The following CDH23 variants were observed in gnomAD, a reference collection of about 807,000 sequenced individuals.
CDH23 encodes cadherin-23.
A neutral mutation model predicts 317.1 loss-of-function variants in CDH23; 189 were observed. The observed-to-expected ratio is 0.60, with a 90% CI of 0.53 to 0.67. The LOEUF (loss-of-function observed/expected upper bound fraction) is 0.67, where lower values mean the gene tolerates loss of function less well. Ranked by LOEUF, CDH23 falls within the 30% of genes least tolerant of loss-of-function variation. The pLI, the probability that CDH23 is intolerant of heterozygous loss-of-function variation, is 0.00. For synonymous variants in CDH23, 1,839 were observed against 1,876.8 expected (o/e 0.98, Z 0.52); for missense variants, 4,401 against 4,592.4 (o/e 0.96, Z 1.20).
At chr10:71,782,722 C>T (rs964391964) in intron 41 of CDH23, among the ~76,000 whole-genome samples, 8 of 152,206 alleles carry the variant, frequency 5.3e-5, no homozygotes, top group African/African-American at 1.7e-4. Context: ...TGCATATGGC[C>T]GGGGCTTGAG....
rs1862863781 is a variant in CDH23 at position 71,646,452 on chromosome 10, C to T, written c.1291-7C>T. ...AGCTTACCTGGGCCCCTGTTCTGCACCCCCAGCTCTTTGCCAATGAGAGTG... is the reference window on the plus strand; with the variant it reads ...AGCTTACCTGGGCCCCTGTTCTGCATCCCCAGCTCTTTGCCAATGAGAGTG... On this transcript the variant is annotated splice_region_variant and splice_polypyrimidine_tract_variant and intron_variant, in intron 13 of 69. Transcript: ENST00000224721. 1 of 1,613,150 alleles carries T rather than the reference C, an allele frequency of 6.2e-7. No individual in the cohort carries two copies. Among genetic ancestry groups the T allele is most frequent in the Non-Finnish European group, 8.5e-7 (1 of 1,179,596 alleles).
chr10:71,634,862 C>G (rs1182600276), intron 11 of CDH23, among the ~76,000 whole-genome samples: 1 of 152,264 alleles, frequency 6.6e-6, no homozygotes, highest in Non-Finnish European at 1.5e-5. Context: ...TTGGCCATAC[C>G]CATGGGCGTG....
chr10:71,503,056 A>G (rs540586654), intron 3 of CDH23, among the ~76,000 whole-genome samples: 2 of 152,242 alleles, frequency 1.3e-5, no homozygotes, highest in Non-Finnish European at 2.9e-5. Context: ...AGCGATCAGC[A>G]TGGGCCCAGT....
chr10:71,797,302 G>A, intron 49 of CDH23, 82 bp downstream of exon 49: 3 of 947,476 alleles, frequency 3.2e-6, no homozygotes. Flanking sequence ...GCACTGGTCT[G>A]TCCCCAGGGA....
intron 3 of CDH23, among the ~76,000 whole-genome samples, chr10:71,502,699 T>C (rs1175799408): frequency 1.3e-5 from 2 of 152,234 alleles, no homozygotes; most frequent in East Asian, 3.9e-4. Context: ...GCACTAGACA[T>C]CATGGTAAGG....
intron 43 of CDH23, 141 bp downstream of exon 43, chr10:71,785,241 A>G (rs977230976): frequency 6.0e-6 from 4 of 670,018 alleles, no homozygotes; most frequent in African/African-American, 3.6e-5. Context: ...CCTCTGTGGG[A>G]AGCATGGAAT....
Position 71,815,167 on chromosome 10 carries a change from C to T in CDH23, c.9954C>T (p.Ala3318=), listed in dbSNP as rs763915451. The change falls in exon 70 of 70, where the codon GCC becomes GCT. Residue 3318 remains alanine, a synonymous_variant. Transcript: ENST00000224721. ...LGRSLETLTA[A]EATAFERNAR... ...GCTCGCTGGAGACGCTGACCGCTGC[C>T]GAGGCCACTGCCTTCGAGCGCAACG... 94 of 1,611,352 alleles carry T rather than the reference C, an allele frequency of 5.8e-5. No homozygotes were observed. Among genetic ancestry groups the T allele is most frequent in the South Asian group, 1.8e-4 (16 of 90,882 alleles).
intron 6 of CDH23, among the ~76,000 whole-genome samples, chr10:71,527,635 T>C (rs1047302191): frequency 2.6e-5 from 4 of 152,082 alleles, no homozygotes; most frequent in Admixed American, 2.6e-4. Context: ...GGTTTAGAGG[T>C]GTTCCATCTT....
Position 71,486,941 on chromosome 10 carries a change from C to A in CDH23, c.146-23141C>A, listed in dbSNP as rs1264568215. On this transcript the variant is annotated intron_variant, in intron 3 of 69. Coordinates refer to ENST00000224721, the MANE Select transcript of CDH23 (RefSeq NM_022124.6). The stretch of plus-strand genomic sequence containing the variant: ...ATCCCTGCTGAGCAAGAGAGCCAGG[C>A]CTTGGTACCTTCCCACCAATCACTC... Among the ~76,000 whole-genome samples the A allele has an allele frequency of 2.0e-5, 3 of 152,168 alleles. No individual in the cohort carries two copies. The East Asian group carries it at 5.8e-4, about 29-fold the overall frequency.
At chr10:71,503,456 G>A (rs559036765) in intron 3 of CDH23, among the ~76,000 whole-genome samples, 1 of 152,328 alleles carries the variant, frequency 6.6e-6, no homozygotes, top group South Asian at 2.1e-4. Context: ...TCATGACTTT[G>A]GGGGGCTGTC....
intron 9 of CDH23, among the ~76,000 whole-genome samples, chr10:71,598,959 G>A (rs1222919653): frequency 6.6e-6 from 1 of 152,204 alleles, no homozygotes; most frequent in African/African-American, 2.4e-5. Context: ...CAGCTGGGAG[G>A]ATGAGGGCAT....
chr10:71,739,589 C>A, intron 35 of CDH23, 55 bp from the exon 36 acceptor site: 1 of 1,587,192 alleles, frequency 6.3e-7, no homozygotes, highest in Non-Finnish European at 8.6e-7. Context: ...CTTGGCTTGA[C>A]CTGGCCACCT....
chr10:71,801,382 G>A (rs902594654), intron 53 of CDH23, among the ~76,000 whole-genome samples: 6 of 151,842 alleles, frequency 4.0e-5, no homozygotes, highest in Non-Finnish European at 5.9e-5. Flanking sequence ...TCGAACTCCC[G>A]ACCTCAGGTG....
At chr10:71,693,083 G>A (rs954775048) in intron 20 of CDH23, among the ~76,000 whole-genome samples, 1 of 152,186 alleles carries the variant, frequency 6.6e-6, no homozygotes, top group Non-Finnish European at 1.5e-5. Flanking sequence ...CACCACGTGG[G>A]TGCTCTCCCA....
intron 11 of CDH23, among the ~76,000 whole-genome samples, chr10:71,634,639 A>G (rs1052357994): frequency 1.4e-4 from 21 of 152,252 alleles, no homozygotes; most frequent in Non-Finnish European, 2.5e-4. Context: ...AAGGGAGAAG[A>G]GGACATGGCC....
intron 11 of CDH23, among the ~76,000 whole-genome samples, chr10:71,617,970 CAACAAGAGT>C (rs761450416): frequency 6.7e-6 from 1 of 148,556 alleles, no homozygotes; most frequent in Non-Finnish European, 1.5e-5. Context: ...CCAGCCTGGG[CAACAAGAGT>C]AAGACTCCAT....
rs562268606 is a variant in CDH23 at position 71,815,708 on chromosome 10, A to T, written c.*430A>T. The T allele has an allele frequency of 1.3e-3, 214 of 162,116 alleles. No homozygotes were observed. Among genetic ancestry groups the T allele is most frequent in the Non-Finnish European group, 2.3e-3 (171 of 74,630 alleles). The allele number at this position is 162,116 out of a possible 1,614,324, so 10.0% of individuals were successfully genotyped here. A position where few individuals can be genotyped will look rare whatever the true frequency, so the allele number is the denominator to read the frequency against. ...CGCGGACATCCCCTGCTGGCCGGAC[A>T]CCCGACTCCAGTCCAAGTCTCGCTA... On this transcript the variant is annotated 3_prime_UTR_variant, in exon 70 of 70. Coordinates refer to ENST00000224721, the MANE Select transcript of CDH23 (RefSeq NM_022124.6).
chr10:71,588,418 AGG>A (rs201037707), intron 9 of CDH23, among the ~76,000 whole-genome samples: 2,069 of 152,260 alleles, frequency 0.014, 47 homozygotes, highest in African/African-American at 0.047. Flanking sequence ...GAATATTCAT[AGG>A]GTTATTTTAA....
chr10:71,729,615 G>C (rs1249411789), intron 30 of CDH23, among the ~76,000 whole-genome samples: 3 of 152,194 alleles, frequency 2.0e-5, no homozygotes, highest in Non-Finnish European at 4.4e-5. Flanking sequence ...AGAGCCTTAG[G>C]GGCTGGGAGC....
Sources: gnomAD v4.1 joint callset for allele counts (sites outside exome capture counted in the v4.1 genomes callset) on GRCh38, gnomAD v4.1.1 for gene constraint, MANE v1.5 for transcripts, NCBI Gene and HGNC (gene_info 2026-07-23, HGNC 2026-07-21) for gene names.